The following CLPP variants were observed in gnomAD, a reference collection of about 807,000 sequenced individuals.
CLPP encodes ATP-dependent Clp protease proteolytic subunit, mitochondrial.
A neutral mutation model predicts 27.4 loss-of-function variants in CLPP; 14 were observed. The ratio of observed to expected loss-of-function variants is 0.51; its 90% confidence interval spans 0.34 to 0.80. The LOEUF is 0.80. CLPP is among the 30% of genes least tolerant of loss of function. The probability of loss-of-function intolerance (pLI) is 0.02; values close to 1 mark genes in which losing one functional copy is unlikely to be tolerated. For synonymous variants in CLPP, 193 were observed against 166.6 expected, an observed-to-expected ratio of 1.16 and a Z score of -1.22; for missense variants, 361 against 403.6, an observed-to-expected ratio of 0.89 and a Z score of 0.90.
chr19:6,367,948 G>A (rs1018024205), intron 5 of CLPP, among the ~76,000 whole-genome samples: 2 of 152,016 alleles, frequency 1.3e-5, no homozygotes, highest in African/African-American at 4.8e-5. Context: ...GAAACATGAG[G>A]CCAAACTCCT....
intron 3 of CLPP, among the ~76,000 whole-genome samples, chr19:6,362,815 C>T (rs753160218): frequency 1.3e-5 from 2 of 152,138 alleles, no homozygotes; most frequent in Non-Finnish European, 2.9e-5. Flanking sequence ...AGGCCGGGCA[C>T]AGTGGCTCAC....
chr19:6,364,359 G>C, intron 3 of CLPP, 93 bp from the exon 4 acceptor site: 1 of 1,170,664 alleles, frequency 8.5e-7, no homozygotes, highest in South Asian at 1.4e-5. Flanking sequence ...GAGGGGGGCT[G>C]CATCTGTTCC....
chr19:6,369,430 CAAA>C lies in CLPP; in HGVS notation c.*723_*725del, dbSNP rs757069589. ...GCTCTGTCTCAAAAAAAAAAAAAAACAAAAACAGGAAAGGTGGCATGCAAGTGT... is the reference window on the plus strand; with the variant it reads ...GCTCTGTCTCAAAAAAAAAAAAAAACAACAGGAAAGGTGGCATGCAAGTGT... On this transcript the variant is annotated 3_prime_UTR_variant, in exon 6 of 6. Coordinates refer to ENST00000245816, the MANE Select transcript of CLPP (RefSeq NM_006012.4). Among the ~76,000 whole-genome samples the C allele has an allele frequency of 7.2e-6, 1 of 138,050 alleles. No homozygotes were observed. The highest frequency in any genetic ancestry group is 2.2e-4 in the East Asian group (1 of 4,578). 90.6% of individuals were successfully genotyped at this position (138,050 alleles called of 152,430 possible).
In CLPP at chr19:6,369,388, C is replaced by A. The variant is rs565407154; in HGVS notation, c.*678C>A. Among the ~76,000 whole-genome samples the A allele has an allele frequency of 6.6e-6, 1 of 150,570 alleles. No homozygotes were observed. Among genetic ancestry groups the A allele is most frequent in the Admixed American group, 6.6e-5 (1 of 15,040 alleles). On this transcript the variant is annotated 3_prime_UTR_variant, in exon 6 of 6. Transcript: ENST00000245816. The stretch of plus-strand genomic sequence containing the variant: ...CAGGATCACGCCACTGCCCTTTAGC[C>A]TGGGCAACAGAGCAAGGCTCTGTCT...
rs1431093790 is a variant in CLPP, at chr19:6,369,531, A to C, written c.*821A>C. Among the ~76,000 whole-genome samples, 3 of 152,226 alleles carry C rather than the reference A, an allele frequency of 2.0e-5. No individual in the cohort carries two copies. The highest frequency in any genetic ancestry group is 4.4e-5 in the Non-Finnish European group (3 of 68,026). On this transcript the variant is annotated 3_prime_UTR_variant, in exon 6 of 6. Transcript: ENST00000245816. ...CACTGAGAAGGTGGTGGTTGAGCAA[A>C]GCCTCAAAGGAGGTGAGGGGTGGAG...
intron 4 of CLPP, 152 bp downstream of exon 4, chr19:6,364,791 C>G (rs1335683023): frequency 1.4e-6 from 1 of 705,100 alleles, no homozygotes; most frequent in East Asian, 3.0e-5. Flanking sequence ...TGCAGTGGTG[C>G]GATCTCGGCT....
At position 6,369,245 on chromosome 19, in the gene CLPP, A is replaced by G. The variant is rs1485715949; in HGVS notation, c.*535A>G. Among the ~76,000 whole-genome samples the G allele has an allele frequency of 6.6e-6, 1 of 152,016 alleles. No individual in the cohort carries two copies. On this transcript the variant is annotated 3_prime_UTR_variant, in exon 6 of 6. Transcript: ENST00000245816. ...AGAACATCCTGGCTAACATGGTGAAACCCCATTTCTACTAAAAATACAAAA... is the reference window on the plus strand; with the variant it reads ...AGAACATCCTGGCTAACATGGTGAAGCCCCATTTCTACTAAAAATACAAAA...
rs776244014 is a variant in CLPP at position 6,361,893 on chromosome 19, A to G, written c.223A>G (p.Ile75Val). 12 of 1,594,932 alleles carry G rather than the reference A, an allele frequency of 7.5e-6. No individual in the cohort carries two copies. Among genetic ancestry groups the G allele is most frequent in the African/African-American group, 4.1e-5 (3 of 73,906 alleles). Residue 75 changes from isoleucine (I) to valine (V), a missense_variant, in exon 2 of 6, where the codon ATC (isoleucine) becomes GTC (valine). Transcript: ENST00000245816. ...QTGRGERAYD[I>V]YSRLLRERIV... Reference sequence around the variant, plus strand: ...GGGTCGCGGCGAGCGCGCCTATGACATCTACTCGCGGCTGCTGCGGGAGCG... The same window carrying G: ...GGGTCGCGGCGAGCGCGCCTATGACGTCTACTCGCGGCTGCTGCGGGAGCG...
At chr19:6,366,404 C>G (rs140139352) in intron 5 of CLPP, 41 bp downstream of exon 5, 1 of 1,478,338 alleles carries the variant, frequency 6.8e-7, no homozygotes. Flanking sequence ...CGTGCACAGA[C>G]GGACCAGGCG....
At chr19:6,368,512 T>C in intron 5 of CLPP, 26 bp from the exon 6 acceptor site, 3 of 1,613,672 alleles carry the variant, frequency 1.9e-6, no homozygotes, top group South Asian at 2.2e-5. Context: ...TACCCTAATG[T>C]GTCTCACCTC....
At chr19:6,363,125 A>ATTTTTTTT (rs1555719472) in intron 3 of CLPP, among the ~76,000 whole-genome samples, 1 of 136,524 alleles carries the variant, frequency 7.3e-6, no homozygotes, top group African/African-American at 2.7e-5. Flanking sequence ...TGATGGAGGC[A>ATTTTTTTT]TTTTTTTTTT....
chr19:6,368,994 A>G lies in CLPP; in HGVS notation c.*284A>G, dbSNP rs1441904549. 2.5e-6 allele frequency: 1 copy of G among 407,804 alleles called. No homozygotes were observed. The highest frequency in any genetic ancestry group is 4.6e-5 in the East Asian group (1 of 21,508). 25.3% of individuals were successfully genotyped at this position (407,804 alleles called of 1,614,324 possible). ...CCCTTCTGCTTTTGTCCTGACCCCAAGAGGCAAGCCATGTCTTCCTTCAAC... is the reference window on the plus strand; with the variant it reads ...CCCTTCTGCTTTTGTCCTGACCCCAGGAGGCAAGCCATGTCTTCCTTCAAC... On this transcript the variant is annotated 3_prime_UTR_variant, in exon 6 of 6. Transcript: ENST00000245816.
In CLPP at chr19:6,369,662, AGAG is replaced by A. The variant is rs2091879119; in HGVS notation, c.*956_*958del. ...GCCCGTGGCTGAGGGAAGGTGGAAG[AGAG>A]GAGATCAAAAAGTAGAGGTGAAAAT... On this transcript the variant is annotated 3_prime_UTR_variant, in exon 6 of 6. Coordinates refer to ENST00000245816, the MANE Select transcript of CLPP (RefSeq NM_006012.4). Among the ~76,000 whole-genome samples the A allele has an allele frequency of 6.6e-6, 1 of 151,892 alleles. No individual in the cohort carries two copies.
chr19:6,368,542 C>T lies in CLPP; in HGVS notation c.666C>T (p.Ser222=), dbSNP rs140294009. Residue 222 remains serine, a synonymous_variant, in exon 6 of 6, where the codon TCC becomes TCT. Transcript: ENST00000245816. Reference sequence around the variant, plus strand: ...CACCTCCTGCTTCCCCACCAGAGTCCGCCATGGAGAGGGACCGCTACATGA... The same window carrying T: ...CACCTCCTGCTTCCCCACCAGAGTCTGCCATGGAGAGGGACCGCTACATGA... ...HTKQSLQVIE[S]AMERDRYMSP... 157 of 1,614,078 alleles carry T rather than the reference C, an allele frequency of 9.7e-5. No individual in the cohort carries two copies. The highest frequency in any genetic ancestry group is 9.1e-4 in the African/African-American group (68 of 75,032).
intron 2 of CLPP, 193 bp from the exon 3 acceptor site, chr19:6,362,253 C>A (rs1040176694): frequency 8.3e-6 from 5 of 604,656 alleles, no homozygotes; most frequent in African/African-American, 3.7e-5. Context: ...TGACTCCCCC[C>A]TTCCTGTGCT....
At position 6,361,602 on chromosome 19, in the gene CLPP, G is replaced by C. The variant is rs756769887; in HGVS notation, c.28G>C (p.Ala10Pro). The change falls in exon 1 of 6, where the codon GCC (alanine) becomes CCC (proline). Residue 10 changes from alanine (A) to proline (P), a missense_variant. By Grantham distance (27) the Ala-to-Pro change is conservative. Transcript: ENST00000245816. Reference sequence around the variant, plus strand: ...GTGGCCCGGAATATTGGTAGGGGGGGCCCGGGTGGCGTCATGCAGGTACCC... The same window carrying C: ...GTGGCCCGGAATATTGGTAGGGGGGCCCCGGGTGGCGTCATGCAGGTACCC... MWPGILVGG[A>P]RVASCRYPAL... The C allele has an allele frequency of 1.4e-6, 2 of 1,412,532 alleles. No individual in the cohort carries two copies. The highest frequency in any genetic ancestry group is 1.6e-5 in the South Asian group (1 of 62,064). 87.5% of individuals were successfully genotyped at this position (1,412,532 alleles called of 1,614,324 possible). A position where few individuals can be genotyped will look rare whatever the true frequency, so the allele number is the denominator to read the frequency against.
intron 5 of CLPP, 35 bp downstream of exon 5, chr19:6,366,398 C>A: frequency 6.7e-7 from 1 of 1,481,886 alleles, no homozygotes; most frequent in Non-Finnish European, 9.3e-7. Flanking sequence ...CTGGTCCGTG[C>A]ACAGACGGAC....
intron 5 of CLPP, among the ~76,000 whole-genome samples, chr19:6,366,675 G>T (rs1445147910): frequency 6.6e-6 from 1 of 152,102 alleles, no homozygotes; most frequent in African/African-American, 2.4e-5. Context: ...GTCTGGCTCT[G>T]TCGCTCAGGC....
intron 3 of CLPP, among the ~76,000 whole-genome samples, chr19:6,363,217 CT>C (rs72234334): frequency 0.26 from 38,861 of 151,388 alleles, 8,789 homozygotes; most frequent in African/African-American, 0.6. Context: ...CCTCTGCCTC[CT>C]TGGGTTCAAG....
Sources: gnomAD v4.1 joint callset for allele counts (sites outside exome capture counted in the v4.1 genomes callset) on GRCh38, gnomAD v4.1.1 for gene constraint, MANE v1.5 for transcripts, NCBI Gene and HGNC (gene_info 2026-07-23, HGNC 2026-07-21) for gene names.